Variants in ABLIM1 observed in about 807,000 individuals in gnomAD.
ABLIM1 encodes actin-binding LIM protein 1.
A neutral mutation model predicts 107.0 loss-of-function variants in ABLIM1; 40 were observed. That is an observed-to-expected ratio of 0.37 (90% CI 0.29 to 0.49). ABLIM1 has a LOEUF of 0.49. ABLIM1 is among the 20% of genes least tolerant of loss of function. The pLI, the probability that ABLIM1 is intolerant of heterozygous loss-of-function variation, is 0.97. For synonymous variants in ABLIM1, 357 were observed against 357.3 expected, an observed-to-expected ratio of 1.00 and a Z score of 0.01; for missense variants, 857 against 1,008.5, an observed-to-expected ratio of 0.85 and a Z score of 2.04.
intron 6 of ABLIM1, chr10:114,526,726 G>C (rs1160428871): frequency 1.0e-6 from 1 of 985,342 alleles, no homozygotes; most frequent in East Asian, 1.1e-4. Flanking sequence ...ACTCCTCCAG[G>C]CTTCAAGTTC....
At chr10:114,660,867 C>A (rs1314772471), upstream of ABLIM1, among the ~76,000 whole-genome samples, 2 of 152,182 alleles carry the variant, frequency 1.3e-5, no homozygotes, top group Non-Finnish European at 2.9e-5. Flanking sequence ...TTCCTTCAAA[C>A]CCAGCATCTT....
intron 1 of ABLIM1, among the ~76,000 whole-genome samples, chr10:114,615,944 T>C (rs2077103543): frequency 6.6e-6 from 1 of 152,174 alleles, no homozygotes; most frequent in African/African-American, 2.4e-5. Flanking sequence ...AGGGAGGAGT[T>C]TGGGTGGCCC....
intron 5 of ABLIM1, 37 bp downstream of exon 5, chr10:114,547,613 C>T: frequency 6.2e-7 from 1 of 1,610,728 alleles, no homozygotes; most frequent in Non-Finnish European, 8.5e-7. Flanking sequence ...ACGCCCGGTG[C>T]CCACTGAAAG....
the ABLIM1 span, among the ~76,000 whole-genome samples, chr10:114,788,334 TAAAAAAA>T: frequency 0.3 from 38,988 of 130,722 alleles, 7,006 homozygotes; most frequent in Non-Finnish European, 0.42. Flanking sequence ...AATAAAAAAA[TAAAAAAA>T]AAAAAAATAA....
In ABLIM1 at chr10:114,447,925, T is replaced by A. The variant is rs780288120; in HGVS notation, c.1690A>T (p.Ile564Phe). Reference sequence around the variant, plus strand: ...GGACCAGGCCAGTGGTCCGTCTCAATCTTTGGTGTCTCGCTGGGGTCTGGT... The same window carrying A: ...GGACCAGGCCAGTGGTCCGTCTCAAACTTTGGTGTCTCGCTGGGGTCTGGT... ...QAPDPSETPK[I>F]ETDHWPGPPS... The change falls in exon 15 of 23, where the codon ATT becomes TTT. Residue 564 changes from isoleucine to phenylalanine, a missense_variant. Coordinates refer to ENST00000533213, the MANE Select transcript of ABLIM1 (RefSeq NM_002313.7). The A allele has an allele frequency of 1.4e-5, 23 of 1,614,152 alleles. No individual in the cohort carries two copies. Among genetic ancestry groups the A allele is most frequent in the Admixed American group, 1.3e-4 (8 of 60,014 alleles).
At chr10:114,453,931 G>T (rs137877677) in intron 12 of ABLIM1, among the ~76,000 whole-genome samples, 1 of 152,258 alleles carries the variant, frequency 6.6e-6, no homozygotes, top group African/African-American at 2.4e-5. Context: ...ATTAGCAGAG[G>T]TTTCTCCGAT....
the ABLIM1 span, among the ~76,000 whole-genome samples, chr10:114,794,843 G>A: frequency 1.2e-4 from 19 of 152,182 alleles, no homozygotes; most frequent in African/African-American, 4.1e-4. Context: ...TTTTTTTCAA[G>A]TATAGTGAGA....
intron 7 of ABLIM1, among the ~76,000 whole-genome samples, chr10:114,491,012 G>GTGTGTGTGTGTGTGTATGTC: frequency 1.1e-5 from 1 of 92,396 alleles, no homozygotes; most frequent in African/African-American, 4.6e-5. Flanking sequence ...GTGTGTGTGT[G>GTGTGTGTGTGTGTGTATGTC]TATATATATA....
rs140129654 is a variant in ABLIM1 at position 114,583,468 on chromosome 10, CATATAT to C, written c.380-7875_380-7870del. On this transcript the variant is annotated intron_variant, in intron 2 of 22. Transcript: ENST00000533213. ...ACACACACACACACACACACACACA[CATATAT>C]ATATATATATATATATATATATATA... 5.6e-3 allele frequency among the ~76,000 whole-genome samples: 84 copies of C among 15,030 alleles called. 1 individual carries two copies. Among genetic ancestry groups the C allele is most frequent in the South Asian group, 9.3e-3 (3 of 322 alleles). 9.9% of individuals were successfully genotyped at this position (15,030 alleles called of 152,430 possible). A position where few individuals can be genotyped will look rare whatever the true frequency, so the allele number is the denominator to read the frequency against.
intron 1 of ABLIM1, among the ~76,000 whole-genome samples, chr10:114,750,370 C>T (rs1429492688): frequency 6.6e-6 from 1 of 152,168 alleles, no homozygotes; most frequent in Non-Finnish European, 1.5e-5. Context: ...TCCATAATCT[C>T]CATAACAAGT....
intron 3 of ABLIM1, among the ~76,000 whole-genome samples, chr10:114,573,742 C>T (rs1441120965): frequency 2.6e-5 from 4 of 152,170 alleles, no homozygotes; most frequent in South Asian, 2.1e-4. Context: ...AAAAATGACT[C>T]GCATCTAGTT....
At chr10:114,656,427 T>C (rs897529954) in intron 1 of ABLIM1, among the ~76,000 whole-genome samples, 6 of 152,114 alleles carry the variant, frequency 3.9e-5, no homozygotes, top group African/African-American at 9.7e-5. Flanking sequence ...ATAGTTATTA[T>C]ATGACCCAGA....
At position 114,479,412 on chromosome 10, in the gene ABLIM1, G is replaced by A. The variant is rs537875420; in HGVS notation, c.1042-5456C>T. On this transcript the variant is annotated intron_variant, in intron 8 of 22. Transcript: ENST00000533213. ...TCCCATCAGAACTCAGATATGTGAA[G>A]CAATTCATCACAGTATATGGGGCAG... is the stretch of plus-strand genomic sequence containing the variant. 2.6e-5 allele frequency among the ~76,000 whole-genome samples: 4 copies of A among 152,292 alleles called. No homozygotes were observed. In the South Asian group the frequency reaches 8.3e-4, roughly 32 times the overall value.
intron 12 of ABLIM1, among the ~76,000 whole-genome samples, chr10:114,457,522 T>C (rs2063052071): frequency 6.6e-6 from 1 of 152,082 alleles, no homozygotes; most frequent in Admixed American, 6.5e-5. Context: ...TGTGGCGCCT[T>C]GGCCTCCCAA....
Position 114,432,631 on chromosome 10 carries a change from C to T in ABLIM1, c.*3629G>A, listed in dbSNP as rs942874985. On this transcript the variant is annotated 3_prime_UTR_variant, in exon 23 of 23. Coordinates refer to ENST00000533213, the MANE Select transcript of ABLIM1 (RefSeq NM_002313.7). ...AGAAACATTGCCAGCTAGACGTCTC[C>T]GAGTTAGAGTTGATTGATATACTGG... 4 of 152,090 alleles carry T rather than the reference C, an allele frequency of 2.6e-5. No individual in the cohort carries two copies. The highest frequency in any genetic ancestry group is 1.9e-4 in the East Asian group (1 of 5,196). The allele number at this position is 152,090 out of a possible 1,614,324, so 9.4% of individuals were successfully genotyped here.
intron 6 of ABLIM1, among the ~76,000 whole-genome samples, chr10:114,492,725 C>T (rs2059162439): frequency 6.6e-6 from 1 of 152,170 alleles, no homozygotes; most frequent in African/African-American, 2.4e-5. Context: ...TCCATCAATC[C>T]ACCATCAAAA....
intron 1 of ABLIM1, among the ~76,000 whole-genome samples, chr10:114,692,996 T>C (rs2141735631): frequency 6.6e-6 from 1 of 152,358 alleles, no homozygotes; most frequent in East Asian, 1.9e-4. Context: ...CCACTGGAGT[T>C]AGAAACAAAA....
chr10:114,550,080 A>G (rs1211221899), intron 4 of ABLIM1, among the ~76,000 whole-genome samples: 11 of 152,224 alleles, frequency 7.2e-5, no homozygotes, highest in South Asian at 4.1e-4. Context: ...ATTTAAAAAT[A>G]TAAGTTCTGA....
chr10:114,637,604 C>A (rs934848487), intron 1 of ABLIM1, among the ~76,000 whole-genome samples: 1 of 152,178 alleles, frequency 6.6e-6, no homozygotes, highest in African/African-American at 2.4e-5. Flanking sequence ...AGTTTGGACC[C>A]AAGCAATAGG....
Sources: allele counts gnomAD v4.1 joint callset (sites outside exome capture counted in the v4.1 genomes callset), GRCh38; gene constraint gnomAD v4.1.1; transcripts MANE v1.5; gene names NCBI Gene and HGNC (gene_info 2026-07-23, HGNC 2026-07-21).